Variants in CELF4 observed in about 807,000 individuals in gnomAD.
The protein encoded by CELF4 is CUGBP Elav-like family member 4.
In CELF4, 18 loss-of-function variants were observed where a neutral mutation model predicts 59.9. That is an observed-to-expected ratio of 0.30 (90% CI 0.21 to 0.45). CELF4 has a LOEUF of 0.45. Among genes scored for constraint, CELF4 ranks in the 20% least tolerant of loss-of-function variants. The probability of loss-of-function intolerance (pLI) is 1.00; values close to 1 mark genes in which losing one functional copy is unlikely to be tolerated. For missense variants in CELF4, 456 were observed against 689.0 expected (o/e 0.66, Z 3.79); for synonymous variants, 261 against 267.1 (o/e 0.98, Z 0.22).
intron 2 of CELF4, among the ~76,000 whole-genome samples, chr18:37,391,590 C>T (rs1312823591): frequency 1.3e-5 from 2 of 152,224 alleles, no homozygotes; most frequent in Non-Finnish European, 2.9e-5. Context: ...TCTCCCCCAT[C>T]AGACCATGCC....
chr18:37,414,966 G>A (rs960541399), intron 2 of CELF4, among the ~76,000 whole-genome samples: 1 of 152,068 alleles, frequency 6.6e-6, no homozygotes, highest in Admixed American at 6.5e-5. Context: ...CTTTCTTATT[G>A]TACTCAAAGA....
chr18:37,454,110 T>A (rs549815841), intron 2 of CELF4, among the ~76,000 whole-genome samples: 1 of 152,232 alleles, frequency 6.6e-6, no homozygotes, highest in Non-Finnish European at 1.5e-5. Context: ...CCTATCATAT[T>A]TGGAAAAAGG....
intron 3 of CELF4, among the ~76,000 whole-genome samples, chr18:37,284,485 C>T (rs570116457): frequency 6.6e-6 from 1 of 152,286 alleles, no homozygotes; most frequent in African/African-American, 2.4e-5. Context: ...TCCCTTGGCT[C>T]CCTCTGGTTC....
chr18:37,444,783 A>G (rs905680808), intron 2 of CELF4, among the ~76,000 whole-genome samples: 2 of 152,058 alleles, frequency 1.3e-5, no homozygotes, highest in African/African-American at 4.8e-5. Context: ...CCTCCAGACG[A>G]GGCTCCCCAT....
chr18:37,266,358 GC>G, intron 9 of CELF4, 174 bp downstream of exon 9: 1 of 687,774 alleles, frequency 1.5e-6, no homozygotes, highest in Non-Finnish European at 2.5e-6. Flanking sequence ...ACTCTCGGTG[GC>G]CCGCTGACAA....
intron 1 of CELF4, among the ~76,000 whole-genome samples, chr18:37,532,368 A>C (rs1276058207): frequency 1.3e-5 from 2 of 152,206 alleles, no homozygotes; most frequent in Non-Finnish European, 2.9e-5. Context: ...TTTGGAGGGC[A>C]GGGACTGCAT....
chr18:37,326,352 G>T (rs1603482446), intron 2 of CELF4, among the ~76,000 whole-genome samples: 1 of 152,198 alleles, frequency 6.6e-6, no homozygotes, highest in East Asian at 1.9e-4. Context: ...CATGGCCTCA[G>T]GACCCCTTTG....
intron 2 of CELF4, among the ~76,000 whole-genome samples, chr18:37,416,117 C>A (rs551903939): frequency 8.5e-4 from 130 of 152,206 alleles, no homozygotes; most frequent in Non-Finnish European, 1.4e-3. Flanking sequence ...TGGCCTGAAA[C>A]CATAGACACC....
Position 37,555,345 on chromosome 18 carries a change from C to T in CELF4, c.286+10011G>A, listed in dbSNP as rs572443692. Reference sequence around the variant, plus strand: ...GTTCAGAGTACACCTCTCCTCCACCCCACCCTGTTGAAAAGCAAAGGCCGG... The same window carrying T: ...GTTCAGAGTACACCTCTCCTCCACCTCACCCTGTTGAAAAGCAAAGGCCGG... On this transcript the variant is annotated intron_variant, in intron 1 of 12. Transcript: ENST00000420428. Among the ~76,000 whole-genome samples the T allele has an allele frequency of 7.2e-5, 11 of 152,268 alleles. No individual in the cohort carries two copies. In the South Asian group the frequency reaches 2.1e-3, roughly 29 times the overall value.
intron 12 of CELF4, chr18:37,247,648 C>G (rs945235331): frequency 1.3e-5 from 2 of 151,980 alleles, no homozygotes; most frequent in African/African-American, 4.8e-5. Context: ...CACACACGCA[C>G]GCACACACAT....
chr18:37,401,340 G>T (rs977818319), intron 2 of CELF4, among the ~76,000 whole-genome samples: 4 of 152,222 alleles, frequency 2.6e-5, no homozygotes, highest in African/African-American at 9.6e-5. Context: ...AGCTCAGCAA[G>T]CACCTACTGT....
intron 2 of CELF4, among the ~76,000 whole-genome samples, chr18:37,336,969 T>G (rs1208527352): frequency 6.6e-6 from 1 of 152,110 alleles, no homozygotes; most frequent in Admixed American, 6.5e-5. Flanking sequence ...TTCATTTCTT[T>G]CCATTTCATT....
chr18:37,499,322 C>A (rs1274930720), intron 1 of CELF4, among the ~76,000 whole-genome samples: 1 of 152,184 alleles, frequency 6.6e-6, no homozygotes, highest in Non-Finnish European at 1.5e-5. Flanking sequence ...CAAAGAGGCA[C>A]CTCAGTGCCA....
chr18:37,547,130 C>T (rs1603643878), intron 1 of CELF4, among the ~76,000 whole-genome samples: 2 of 137,876 alleles, frequency 1.5e-5, no homozygotes, highest in Non-Finnish European at 3.2e-5. Flanking sequence ...AACAATTAAC[C>T]CTTTGCTTAG....
intron 1 of CELF4, among the ~76,000 whole-genome samples, chr18:37,536,810 G>T (rs1256821869): frequency 6.6e-6 from 1 of 152,078 alleles, no homozygotes; most frequent in Non-Finnish European, 1.5e-5. Flanking sequence ...GCTTTCACAC[G>T]CTCACATAAA....
chr18:37,388,125 AGG>A (rs1376077525), intron 2 of CELF4, among the ~76,000 whole-genome samples: 1 of 151,926 alleles, frequency 6.6e-6, no homozygotes, highest in Non-Finnish European at 1.5e-5. Context: ...GGTTTCATTG[AGG>A]GGAGAGAGGA....
intron 1 of CELF4, among the ~76,000 whole-genome samples, chr18:37,496,901 C>T (rs962510878): frequency 6.6e-6 from 1 of 152,074 alleles, no homozygotes; most frequent in African/African-American, 2.4e-5. Context: ...TGAGTCAATC[C>T]CTCAAATCCA....
intron 11 of CELF4, 84 bp downstream of exon 11, chr18:37,259,097 A>G (rs1014732396): frequency 1.2e-6 from 2 of 1,602,858 alleles, no homozygotes; most frequent in African/African-American, 2.7e-5. Context: ...AGGTGAAGCT[A>G]ATTGGTTTGT....
chr18:37,334,430 G>A (rs986932725), intron 2 of CELF4, among the ~76,000 whole-genome samples: 2 of 152,190 alleles, frequency 1.3e-5, no homozygotes, highest in African/African-American at 4.8e-5. Context: ...TGGGCCTGGC[G>A]AGGGGATCTC....
Sources: allele counts gnomAD v4.1 joint callset (sites outside exome capture counted in the v4.1 genomes callset), GRCh38; gene constraint gnomAD v4.1.1; transcripts MANE v1.5; gene names NCBI Gene and HGNC (gene_info 2026-07-23, HGNC 2026-07-21).